The following DPYD variants were observed in gnomAD, a reference collection of about 807,000 sequenced individuals.
DPYD encodes the protein dihydropyrimidine dehydrogenase, also known as dihydropyrimidine dehydrogenase [NADP(+)].
In DPYD, 109 loss-of-function variants were observed where a neutral mutation model predicts 116.2. The ratio of observed to expected loss-of-function variants is 0.94; its 90% confidence interval spans 0.80 to 1.10. The LOEUF is 1.10. Among genes scored for constraint, DPYD ranks in the 50% least tolerant of loss-of-function variants. DPYD has a pLI of 0.00. For missense variants in DPYD, 1,302 were observed against 1,254.5 expected (o/e 1.04, Z -0.57); for synonymous variants, 440 against 432.0 (o/e 1.02, Z -0.23).
At chr1:97,716,825 G>A (rs184629252) in intron 5 of DPYD, among the ~76,000 whole-genome samples, 1 of 152,112 alleles carries the variant, frequency 6.6e-6, no homozygotes, top group Admixed American at 6.6e-5. Context: ...GACTTGGGAA[G>A]GGAATATCAT....
intron 13 of DPYD, among the ~76,000 whole-genome samples, chr1:97,489,577 A>C (rs1415682): frequency 6.6e-6 from 1 of 152,070 alleles, no homozygotes; most frequent in Admixed American, 6.6e-5. Context: ...GCCTTGACCT[A>C]TGGTTATTGT....
chr1:97,260,564 G>A (rs772028893), intron 18 of DPYD, among the ~76,000 whole-genome samples: 3 of 152,082 alleles, frequency 2.0e-5, no homozygotes, highest in Non-Finnish European at 4.4e-5. Context: ...AAATATTTGT[G>A]TAAGTCTTAA....
chr1:97,452,608 T>C (rs931116676), intron 13 of DPYD, among the ~76,000 whole-genome samples: 1 of 152,144 alleles, frequency 6.6e-6, no homozygotes, highest in African/African-American at 2.4e-5. Flanking sequence ...CTGGTGGAAA[T>C]GATTGATTGC....
chr1:97,255,822 C>T (rs573548196), intron 18 of DPYD, among the ~76,000 whole-genome samples: 2 of 151,772 alleles, frequency 1.3e-5, no homozygotes, highest in South Asian at 2.1e-4. Context: ...CCAGAGTCCA[C>T]GTTCCTTATC....
chr1:97,383,444 C>T lies in DPYD; in HGVS notation c.1906-983G>A, dbSNP rs371110776. On this transcript the variant is annotated intron_variant, in intron 14 of 22. Transcript: ENST00000370192. ...TGAGCCAAGATTGCACCACTGCACT[C>T]CAGCCTGGGCAACAGAGCGAGACTC... is the stretch of plus-strand genomic sequence containing the variant. Among the ~76,000 whole-genome samples, 23 of 148,588 alleles carry T rather than the reference C, an allele frequency of 1.5e-4. 1 individual carries two copies. The highest frequency in any genetic ancestry group is 5.8e-4 in the African/African-American group (23 of 39,990).
intron 20 of DPYD, among the ~76,000 whole-genome samples, chr1:97,185,887 C>T (rs570727627): frequency 6.6e-6 from 1 of 152,224 alleles, no homozygotes; most frequent in East Asian, 1.9e-4. Context: ...CATGCTTTGG[C>T]AGAGGTGAGG....
chr1:97,366,588 C>T (rs1346424477), intron 16 of DPYD, among the ~76,000 whole-genome samples: 3 of 152,188 alleles, frequency 2.0e-5, no homozygotes, highest in East Asian at 3.9e-4. Flanking sequence ...GGAGTTCCAA[C>T]TCTCTAGCCC....
At chr1:97,182,277 C>T (rs1280143320) in intron 20 of DPYD, among the ~76,000 whole-genome samples, 2 of 152,120 alleles carry the variant, frequency 1.3e-5, no homozygotes, top group Non-Finnish European at 2.9e-5. Context: ...GACACTCCAG[C>T]ATTCTACTTA....
Position 97,214,692 on chromosome 1 carries a change from C to T in DPYD, c.2442+20160G>A, listed in dbSNP as rs1660257217. Among the ~76,000 whole-genome samples, 3 of 152,170 alleles carry T rather than the reference C, an allele frequency of 2.0e-5. No homozygotes were observed. The South Asian group carries it at 6.2e-4, about 32-fold the overall frequency. On this transcript the variant is annotated intron_variant, in intron 19 of 22. Transcript: ENST00000370192. Reference sequence around the variant, plus strand: ...AGGGAATAGAAGATACATTTCCTCTCCATTTTTTCCTGTGATGGATTACCC... The same window carrying T: ...AGGGAATAGAAGATACATTTCCTCTTCATTTTTTCCTGTGATGGATTACCC...
intron 20 of DPYD, among the ~76,000 whole-genome samples, chr1:97,182,080 C>G (rs1441879759): frequency 6.6e-6 from 1 of 152,108 alleles, no homozygotes; most frequent in African/African-American, 2.4e-5. Context: ...TTCAAGCACT[C>G]TCTCTTCTGT....
rs368651839 is a variant in DPYD, at chr1:97,512,010, C to T, written c.1740+3716G>A. Among the ~76,000 whole-genome samples, 16 of 151,934 alleles carry T rather than the reference C, an allele frequency of 1.1e-4. No homozygotes were observed. The East Asian group carries it at 1.4e-3, about 13-fold the overall frequency. On this transcript the variant is annotated intron_variant, in intron 13 of 22. Coordinates refer to ENST00000370192, the MANE Select transcript of DPYD (RefSeq NM_000110.4). The stretch of plus-strand genomic sequence containing the variant: ...ATTTTTTAATTGGCCTTTTCTCCTT[C>T]GATTGAGATCAATACTCAAAACATT...
intron 20 of DPYD, among the ~76,000 whole-genome samples, chr1:97,122,192 A>G (rs756953630): frequency 9.2e-5 from 14 of 152,128 alleles, no homozygotes; most frequent in Non-Finnish European, 1.6e-4. Flanking sequence ...GGATGAAAAG[A>G]GAGATAATTC....
At chr1:97,686,643 A>AAAAAAAAAAAAG in intron 7 of DPYD, among the ~76,000 whole-genome samples, 1 of 147,060 alleles carries the variant, frequency 6.8e-6, no homozygotes, top group African/African-American at 2.5e-5. Context: ...TCTCAAAAAA[A>AAAAAAAAAAAAG]AAAAAAAAAA....
intron 19 of DPYD, among the ~76,000 whole-genome samples, chr1:97,202,663 A>G (rs2101847890): frequency 6.6e-6 from 1 of 152,306 alleles, no homozygotes; most frequent in Admixed American, 6.5e-5. Context: ...TTGATGACAC[A>G]GTTTCACTGA....
intron 20 of DPYD, among the ~76,000 whole-genome samples, chr1:97,126,031 A>G (rs1025639499): frequency 1.3e-5 from 2 of 152,166 alleles, no homozygotes; most frequent in South Asian, 2.1e-4. Flanking sequence ...AAGTAATTTC[A>G]AAAGTAAAAC....
chr1:97,147,088 G>T (rs1390366690), intron 20 of DPYD, among the ~76,000 whole-genome samples: 1 of 152,152 alleles, frequency 6.6e-6, no homozygotes, highest in African/African-American at 2.4e-5. Context: ...AGTGGCTCAC[G>T]CCTGTAATCC....
chr1:97,305,311 T>C lies in DPYD; in HGVS notation c.2247A>G (p.Thr749=). The C allele has an allele frequency of 6.2e-7, 1 of 1,612,440 alleles. No homozygotes were observed. The highest frequency in any genetic ancestry group is 1.1e-5 in the South Asian group (1 of 91,056). ...TTGCAATCCCCACTGCTGGCCAAGG[T>C]GTGCCATCAGATTTTAATCCCATCA... The part of the protein sequence containing the change: ...SGLMGLKSDG[T]PWPAVGIAKR... The change falls in exon 18 of 23, where the codon ACA becomes ACG. Residue 749 remains threonine (T), a synonymous_variant. Coordinates refer to ENST00000370192, the MANE Select transcript of DPYD (RefSeq NM_000110.4).
chr1:97,630,684 T>G (rs1330702137), intron 8 of DPYD, among the ~76,000 whole-genome samples: 1 of 152,120 alleles, frequency 6.6e-6, no homozygotes, highest in Admixed American at 6.6e-5. Flanking sequence ...TACCAGAAAC[T>G]TTTCCCAGTA....
intron 18 of DPYD, among the ~76,000 whole-genome samples, chr1:97,245,764 T>C (rs1662678901): frequency 1.3e-5 from 2 of 152,136 alleles, no homozygotes; most frequent in African/African-American, 2.4e-5. Flanking sequence ...TATTACTTCT[T>C]CCTTTGGAAA....
Sources: gnomAD v4.1 joint callset for allele counts (sites outside exome capture counted in the v4.1 genomes callset) on GRCh38, gnomAD v4.1.1 for gene constraint, MANE v1.5 for transcripts, NCBI Gene and HGNC (gene_info 2026-07-23, HGNC 2026-07-21) for gene names.